The following APLF variants were observed in gnomAD, a reference collection of about 807,000 sequenced individuals.
The protein encoded by APLF is aprataxin and PNKP like factor.
APLF carries 61 observed loss-of-function variants against 55.6 expected under a neutral mutation model. The observed-to-expected ratio is 1.10, with a 90% CI of 0.89 to 1.36. The LOEUF (loss-of-function observed/expected upper bound fraction) is 1.36, where lower values mean the gene tolerates loss of function less well. Among genes scored for constraint, APLF ranks in the 40% most tolerant of loss-of-function variants. The pLI, the probability that APLF is intolerant of heterozygous loss-of-function variation, is 0.00. For missense variants in APLF, 611 were observed against 602.5 expected (o/e 1.01, Z -0.15); for synonymous variants, 207 against 214.8 (o/e 0.96, Z 0.32).
chr2:68,513,173 A>G lies in APLF; in HGVS notation c.435A>G (p.Gln145=), dbSNP rs1669452847. 2 of 1,611,320 alleles carry G rather than the reference A, an allele frequency of 1.2e-6. No individual in the cohort carries two copies. Among genetic ancestry groups the G allele is most frequent in the South Asian group, 1.1e-5 (1 of 90,832 alleles). Residue 145 remains glutamine, a synonymous_variant, in exon 4 of 10, where the codon CAA becomes CAG. Coordinates refer to ENST00000303795, the MANE Select transcript of APLF (RefSeq NM_173545.3). ...CTCATGAGACTACTGGTGCCTCACA[A>G]CTGGAAGGAAGCACAGAAATAGCCA... ...NLPHETTGAS[Q]LEGSTEIAKT...
intron 2 of APLF, among the ~76,000 whole-genome samples, chr2:68,492,696 A>G (rs992948669): frequency 6.6e-6 from 1 of 152,206 alleles, no homozygotes; most frequent in Non-Finnish European, 1.5e-5. Context: ...TACGCAGATC[A>G]TAAAACCACT....
chr2:68,541,748 A>G (rs1204070997), intron 7 of APLF, among the ~76,000 whole-genome samples: 1 of 152,206 alleles, frequency 6.6e-6, no homozygotes, highest in Non-Finnish European at 1.5e-5. Flanking sequence ...TACAGAATTA[A>G]TGCAATCTCT....
In APLF at chr2:68,578,105, T is replaced by G. The variant is rs1187459780; in HGVS notation, c.*83T>G. 3.4e-6 allele frequency: 5 copies of G among 1,487,224 alleles called. No homozygotes were observed. The highest frequency in any genetic ancestry group is 4.5e-6 in the Non-Finnish European group (5 of 1,123,016). 92.1% of individuals were successfully genotyped at this position (1,487,224 alleles called of 1,614,324 possible). A position where few individuals can be genotyped will look rare whatever the true frequency, so the allele number is the denominator to read the frequency against. ...TTTATGAACTAAGGAGGTACTTAAG[T>G]GACAGTTATTTTCCTTCTTTTGATA... On this transcript the variant is annotated 3_prime_UTR_variant, in exon 10 of 10. Transcript: ENST00000303795.
At chr2:68,533,977 G>A (rs1670324685) in intron 6 of APLF, among the ~76,000 whole-genome samples, 1 of 152,138 alleles carries the variant, frequency 6.6e-6, no homozygotes, top group Non-Finnish European at 1.5e-5. Flanking sequence ...TAAAAGACTT[G>A]GAGGTAAGGG....
At chr2:68,526,030 T>C in intron 5 of APLF, 31 bp from the exon 6 acceptor site, 9 of 1,554,496 alleles carry the variant, frequency 5.8e-6, no homozygotes, top group South Asian at 1.2e-5. Flanking sequence ...ATACAGAAGA[T>C]AATTTTCTTC....
chr2:68,513,356 T>G (rs1669460637), intron 4 of APLF, 129 bp downstream of exon 4: 1 of 1,298,662 alleles, frequency 7.7e-7, no homozygotes, highest in Admixed American at 2.6e-5. Context: ...TGATTTTAAG[T>G]TAAGCTCTAG....
At chr2:68,522,955 G>A (rs1669936340) in intron 5 of APLF, among the ~76,000 whole-genome samples, 2 of 151,756 alleles carry the variant, frequency 1.3e-5, no homozygotes, top group African/African-American at 4.8e-5. Flanking sequence ...TAAGATGATA[G>A]GGAACCTGGA....
At chr2:68,497,377 C>T (rs1327683151) in intron 2 of APLF, among the ~76,000 whole-genome samples, 1 of 151,898 alleles carries the variant, frequency 6.6e-6, no homozygotes. Context: ...TTGGATTTCC[C>T]CCTTGCTGTT....
At chr2:68,575,155 C>CAGAT (rs34719534) in intron 9 of APLF, among the ~76,000 whole-genome samples, 16,432 of 152,124 alleles carry the variant, frequency 0.11, 1,132 homozygotes, top group African/African-American at 0.19. Context: ...AATGCCATGT[C>CAGAT]AGGATGGTAA....
At chr2:68,519,019 TATATA>T (rs1404496776) in intron 5 of APLF, among the ~76,000 whole-genome samples, 3 of 111,220 alleles carry the variant, frequency 2.7e-5, no homozygotes, top group Admixed American at 1.9e-4. Flanking sequence ...TATATAATAA[TATATA>T]ATATATGATT....
Position 68,579,397 on chromosome 2 carries a change from C to G in APLF, c.*1375C>G. The G allele has an allele frequency of 1.0e-6, 1 of 979,448 alleles. No homozygotes were observed. Among genetic ancestry groups the G allele is most frequent in the Non-Finnish European group, 1.2e-6 (1 of 824,544 alleles). 60.7% of individuals were successfully genotyped at this position (979,448 alleles called of 1,614,324 possible). Reference sequence around the variant, plus strand: ...TGTAATATTTAACTTATTCTCATCCCTGCCACTAACTTAATCCTTGAAGTG... The same window carrying G: ...TGTAATATTTAACTTATTCTCATCCGTGCCACTAACTTAATCCTTGAAGTG... On this transcript the variant is annotated 3_prime_UTR_variant, in exon 10 of 10. Transcript: ENST00000303795.
intron 1 of APLF, among the ~76,000 whole-genome samples, chr2:68,484,166 G>C (rs919345399): frequency 4.3e-5 from 6 of 141,174 alleles, no homozygotes; most frequent in African/African-American, 6.3e-5. Flanking sequence ...ATAAGTATTT[G>C]GTAACAGATC....
intron 8 of APLF, 70 bp from the exon 9 acceptor site, chr2:68,567,271 G>T: frequency 6.0e-6 from 8 of 1,322,956 alleles, no homozygotes; most frequent in Non-Finnish European, 8.6e-6. Context: ...CAGTGTTCTG[G>T]TTTAGTGTAA....
intron 7 of APLF, among the ~76,000 whole-genome samples, chr2:68,540,037 T>C (rs1670503129): frequency 6.6e-6 from 1 of 152,216 alleles, no homozygotes; most frequent in African/African-American, 2.4e-5. Context: ...GGAATACATG[T>C]GCAGAACGTG....
At chr2:68,549,387 C>T (rs1418475344) in intron 8 of APLF, among the ~76,000 whole-genome samples, 3 of 152,028 alleles carry the variant, frequency 2.0e-5, no homozygotes, top group Non-Finnish European at 4.4e-5. Flanking sequence ...TTATTTCCCT[C>T]TTAGTCTCTA....
intron 1 of APLF, among the ~76,000 whole-genome samples, chr2:68,474,007 G>T (rs1675697434): frequency 6.6e-6 from 1 of 152,168 alleles, no homozygotes; most frequent in Admixed American, 6.5e-5. Flanking sequence ...TGAACCACTG[G>T]ATGTAAACCA....
intron 9 of APLF, among the ~76,000 whole-genome samples, chr2:68,572,277 G>A (rs781730383): frequency 1.3e-5 from 2 of 151,984 alleles, no homozygotes; most frequent in Non-Finnish European, 2.9e-5. Flanking sequence ...CCAACTAGTT[G>A]CTTAGTGCAT....
intron 2 of APLF, among the ~76,000 whole-genome samples, chr2:68,491,800 C>T (rs558471687): frequency 8.5e-5 from 13 of 152,284 alleles, no homozygotes; most frequent in African/African-American, 2.9e-4. Flanking sequence ...CCTTCTGAGT[C>T]TCCAGTGTCT....
At chr2:68,515,417 T>C (rs996737976) in intron 5 of APLF, among the ~76,000 whole-genome samples, 4 of 151,758 alleles carry the variant, frequency 2.6e-5, no homozygotes, top group Non-Finnish European at 5.9e-5. Flanking sequence ...ATTTCTCTGA[T>C]AAAAGAAAGA....
Sources: gnomAD v4.1 joint callset for allele counts (sites outside exome capture counted in the v4.1 genomes callset) on GRCh38, gnomAD v4.1.1 for gene constraint, MANE v1.5 for transcripts, NCBI Gene and HGNC (gene_info 2026-07-23, HGNC 2026-07-21) for gene names.